MYL10: variants seen among roughly 807,000 people sequenced by gnomAD.
MYL10 encodes the protein myosin regulatory light chain 10.
A neutral mutation model predicts 21.9 loss-of-function variants in MYL10; 18 were observed. That is an observed-to-expected ratio of 0.82 (90% CI 0.57 to 1.22). MYL10 has a LOEUF of 1.22. Ranked by LOEUF, MYL10 falls within the 50% of genes most tolerant of loss-of-function variation. MYL10 has a pLI of 0.00. For missense variants in MYL10, 225 were observed against 230.4 expected (o/e 0.98, Z 0.15); for synonymous variants, 88 against 82.8 (o/e 1.06, Z -0.34).
intron 5 of MYL10, 70 bp from the exon 6 acceptor site, chr7:101,616,368 T>TGGGCAGGGGCTGGGGCTGG: frequency 7.7e-7 from 1 of 1,303,350 alleles, no homozygotes; most frequent in East Asian, 2.3e-5. Flanking sequence ...GGCACAAGGC[T>TGGGCAGGGGCTGGGGCTGG]GGGCAGGGGC....
At chr7:101,619,744 G>T (rs994200699) in intron 5 of MYL10, among the ~76,000 whole-genome samples, 1 of 151,888 alleles carries the variant, frequency 6.6e-6, no homozygotes, top group Non-Finnish European at 1.5e-5. Context: ...AAAAAAATTA[G>T]ACGAGCGTGG....
intron 6 of MYL10, among the ~76,000 whole-genome samples, chr7:101,615,650 A>C (rs1796600536): frequency 7.5e-6 from 1 of 133,814 alleles, no homozygotes; most frequent in African/African-American, 2.8e-5. Context: ...CTTTGCCCCC[A>C]CACCCACCCC....
At chr7:101,617,233 C>T (rs1796619217) in intron 5 of MYL10, among the ~76,000 whole-genome samples, 1 of 152,226 alleles carries the variant, frequency 6.6e-6, no homozygotes. Flanking sequence ...GCTTGCTACC[C>T]ACCTCACAGG....
chr7:101,622,925 CCTGCT>C (rs1796697905), intron 4 of MYL10, 67 bp downstream of exon 4: 1 of 1,424,112 alleles, frequency 7.0e-7, no homozygotes, highest in Non-Finnish European at 9.8e-7. Flanking sequence ...CGAGCCCTGC[CCTGCT>C]GGCCCCAACC....
At chr7:101,626,212 A>G (rs1796744355) in intron 1 of MYL10, among the ~76,000 whole-genome samples, 1 of 152,158 alleles carries the variant, frequency 6.6e-6, no homozygotes. Context: ...CTGTTTCCCC[A>G]TTTATAAAAC....
intron 5 of MYL10, among the ~76,000 whole-genome samples, chr7:101,618,051 C>T (rs543439457): frequency 1.6e-4 from 24 of 152,400 alleles, no homozygotes; most frequent in South Asian, 1.4e-3. Context: ...CCTCCCCCAT[C>T]GGACTAGGAA....
chr7:101,620,394 G>A (rs997765464), intron 5 of MYL10, among the ~76,000 whole-genome samples: 5 of 152,198 alleles, frequency 3.3e-5, no homozygotes, highest in East Asian at 1.9e-4. Context: ...GGCCATTGAC[G>A]GCGAGGCTGA....
intron 6 of MYL10, among the ~76,000 whole-genome samples, chr7:101,614,813 C>T (rs1256223666): frequency 2.0e-5 from 3 of 152,196 alleles, no homozygotes; most frequent in African/African-American, 4.8e-5. Context: ...TCTGCCCTCT[C>T]CCTTTGAGAT....
At chr7:101,617,778 A>C (rs1353230544) in intron 5 of MYL10, among the ~76,000 whole-genome samples, 2 of 151,978 alleles carry the variant, frequency 1.3e-5, no homozygotes, top group Non-Finnish European at 2.9e-5. Context: ...CTCTCCCATC[A>C]AACTGGATCA....
At chr7:101,620,359 A>G (rs1373252780) in intron 5 of MYL10, among the ~76,000 whole-genome samples, 2 of 152,074 alleles carry the variant, frequency 1.3e-5, no homozygotes, top group Non-Finnish European at 2.9e-5. Context: ...AGGCAGGTGG[A>G]GGGAGGTTAA....
Position 101,620,494 on chromosome 7 carries a change from CTG to C in MYL10, c.454+1600_454+1601del, listed in dbSNP as rs534331741. Among the ~76,000 whole-genome samples, 9 of 152,352 alleles carry C rather than the reference CTG, an allele frequency of 5.9e-5. No individual in the cohort carries two copies. In the East Asian group the frequency reaches 1.7e-3, roughly 29 times the overall value. On this transcript the variant is annotated intron_variant, in intron 5 of 7. Transcript: ENST00000223167. ...GATTTCGCACTTCTGGGCTTCAGGA[CTG>C]TGAGAGAATACATGTCTGTTGTTTT...
chr7:101,626,170 G>A lies in MYL10; in HGVS notation c.79-1906C>T, dbSNP rs575348634. The stretch of plus-strand genomic sequence containing the variant: ...TGGCTTGGCTGCTCCCAGCCTCCGT[G>A]ATGTTAAGAAATTCACTTGTCTTCT... On this transcript the variant is annotated intron_variant, in intron 1 of 7. Transcript: ENST00000223167. Among the ~76,000 whole-genome samples, 241 of 152,348 alleles carry A rather than the reference G, an allele frequency of 1.6e-3. 1 individual carries two copies. The highest frequency in any genetic ancestry group is 5.7e-3 in the African/African-American group (235 of 41,578).
intron 1 of MYL10, among the ~76,000 whole-genome samples, chr7:101,626,066 G>A (rs183925538): frequency 2.8e-3 from 428 of 152,272 alleles, no homozygotes; most frequent in Non-Finnish European, 5.1e-3. Flanking sequence ...TTTGAGAATG[G>A]GCCCCTGAAA....
intron 1 of MYL10, 115 bp from the exon 2 acceptor site, chr7:101,624,379 G>A (rs754496337): frequency 2.4e-4 from 170 of 708,536 alleles, no homozygotes; most frequent in Non-Finnish European, 3.4e-4. Flanking sequence ...TGCCCTTCCC[G>A]GTGCCTACAG....
intron 1 of MYL10, among the ~76,000 whole-genome samples, chr7:101,625,542 G>T (rs1446622234): frequency 1.3e-5 from 2 of 151,100 alleles, no homozygotes; most frequent in Non-Finnish European, 2.9e-5. Context: ...CCCAACGCCT[G>T]TGTGGTCTCC....
At chr7:101,628,299 C>CA (rs1468916866) in intron 1 of MYL10, among the ~76,000 whole-genome samples, 1 of 151,932 alleles carries the variant, frequency 6.6e-6, no homozygotes, top group Non-Finnish European at 1.5e-5. Flanking sequence ...TACAAAATAT[C>CA]AAAAAAATTA....
chr7:101,617,054 C>A (rs1317446274), intron 5 of MYL10, among the ~76,000 whole-genome samples: 1 of 152,254 alleles, frequency 6.6e-6, no homozygotes, highest in African/African-American at 2.4e-5. Context: ...AAGGGTCTTG[C>A]CCAAGGCTTC....
chr7:101,626,162 G>A (rs2130744912), intron 1 of MYL10, among the ~76,000 whole-genome samples: 1 of 152,342 alleles, frequency 6.6e-6, no homozygotes, highest in African/African-American at 2.4e-5. Context: ...GCTGCTCCCA[G>A]CCTCCGTGAT....
chr7:101,624,315 C>A (rs141007296), intron 1 of MYL10, 51 bp from the exon 2 acceptor site: 139 of 1,402,924 alleles, frequency 9.9e-5, no homozygotes, highest in Non-Finnish European at 1.4e-4. Flanking sequence ...CGAGGGTCAG[C>A]CCCCACCCCC....
Sources: gnomAD v4.1 joint callset for allele counts (sites outside exome capture counted in the v4.1 genomes callset) on GRCh38, gnomAD v4.1.1 for gene constraint, MANE v1.5 for transcripts, NCBI Gene and HGNC (gene_info 2026-07-23, HGNC 2026-07-21) for gene names.